Variants in NPEPL1 observed in about 807,000 individuals in gnomAD.
NPEPL1 encodes aminopeptidase like 1.
In NPEPL1, 45 loss-of-function variants were observed where a neutral mutation model predicts 52.4. The observed-to-expected ratio is 0.86, with a 90% confidence interval of 0.68 to 1.10. The LOEUF (loss-of-function observed/expected upper bound fraction) is 1.10. Ranked by LOEUF, NPEPL1 falls within the 50% of genes least tolerant of loss-of-function variation. The pLI is 0.00. For missense variants in NPEPL1, 696 were observed against 710.9 expected, an observed-to-expected ratio of 0.98 and a Z score of 0.24; for synonymous variants, 360 against 314.7, an observed-to-expected ratio of 1.14 and a Z score of -1.52.
chr20:58,714,234 G>A, intron 10 of NPEPL1, 141 bp downstream of exon 10: 1 of 892,262 alleles, frequency 1.1e-6, no homozygotes, highest in East Asian at 3.0e-5. Context: ...TTGAGAGGCA[G>A]GCGTCAGGGC....
intron 6 of NPEPL1, among the ~76,000 whole-genome samples, chr20:58,702,659 A>G (rs1199220445): frequency 6.6e-6 from 1 of 152,076 alleles, no homozygotes; most frequent in Non-Finnish European, 1.5e-5. Flanking sequence ...TTTCATTTAA[A>G]TTGATCTTCT....
At chr20:58,689,156 C>G (rs963742856), upstream of NPEPL1, 5 of 152,286 alleles carry the variant, frequency 3.3e-5, no homozygotes, top group African/African-American at 1.2e-4. Flanking sequence ...TTCAGGCCTG[C>G]CTGAGGCACT....
chr20:58,707,740 G>A (rs1193569337), intron 7 of NPEPL1, among the ~76,000 whole-genome samples: 1 of 152,006 alleles, frequency 6.6e-6, no homozygotes, highest in East Asian at 1.9e-4. Flanking sequence ...GTGACCTTGA[G>A]TGACCTTCCC....
At chr20:58,697,876 G>C (rs550262974) in intron 3 of NPEPL1, among the ~76,000 whole-genome samples, 1 of 152,226 alleles carries the variant, frequency 6.6e-6, no homozygotes, top group Non-Finnish European at 1.5e-5. Context: ...GTGCTTTGGT[G>C]CATGTGCCCC....
Position 58,705,634 on chromosome 20 carries a change from A to G in NPEPL1, c.823-1489A>G. ...AATCACTGCGAAAATGGTTTCTTCT[A>G]TAAAAACAGAAACAACATATGGGGG... On this transcript the variant is annotated intron_variant, in intron 6 of 11. Transcript: ENST00000356091. 3 of 438,902 alleles carry G rather than the reference A, an allele frequency of 6.8e-6. 1 individual carries two copies. The highest frequency in any genetic ancestry group is 4.7e-5 in the South Asian group (3 of 63,574). 27.2% of individuals were successfully genotyped at this position (438,902 alleles called of 1,614,324 possible). A position where few individuals can be genotyped will look rare whatever the true frequency, so the allele number is the denominator to read the frequency against.
rs1462960086 is a variant in NPEPL1, at chr20:58,693,826, C to T, written c.240C>T (p.Pro80=). 6.2e-7 allele frequency: 1 copy of T among 1,613,746 alleles called. No individual in the cohort carries two copies. Among genetic ancestry groups the T allele is most frequent in the Non-Finnish European group, 8.5e-7 (1 of 1,179,818 alleles). Residue 80 remains proline (P), a synonymous_variant, in exon 2 of 12, where the codon CCC becomes CCT. Transcript: ENST00000356091. ...YLNYATVAAL[P]CRVSRHNSPS... ...ACTACGCCACCGTGGCTGCCCTGCC[C>T]TGCAGGGTGAGCCGGCACAACAGCC...
rs546051344 is a variant in NPEPL1 at position 58,699,207 on chromosome 20, A to T, written c.608A>T (p.Lys203Ile). ...NTDTFLEEINKVGKELGIIPT... is the reference protein window; with the variant it reads ...NTDTFLEEINIVGKELGIIPT... ...CATGAACATGTCCAGGAGATTAACA[A>T]AGTTGGAAAGGAGCTGGGGATCATC... The change falls in exon 5 of 12, where the codon AAA (lysine) becomes ATA (isoleucine). Residue 203 changes from lysine to isoleucine, a missense_variant. Physicochemically the swap from Lys to Ile is moderately radical, Grantham distance 102. Transcript: ENST00000356091. 6.3e-7 allele frequency: 1 copy of T among 1,598,462 alleles called. No homozygotes were observed. The highest frequency in any genetic ancestry group is 2.3e-5 in the East Asian group (1 of 44,292).
upstream of NPEPL1, chr20:58,692,170 T>G: frequency 2.7e-6 from 1 of 366,694 alleles, no homozygotes; most frequent in Non-Finnish European, 5.0e-6. This position sits in a 1 kb window ranked among gnomAD's most constrained non-coding sequence, Gnocchi z 5.7. Flanking sequence ...TAACTGGCCA[T>G]CCCAGCAGCA....
chr20:58,700,725 A>G (rs992910764), intron 5 of NPEPL1, among the ~76,000 whole-genome samples: 1 of 152,226 alleles, frequency 6.6e-6, no homozygotes, highest in African/African-American at 2.4e-5. Context: ...TCATTCTGCA[A>G]TCCTGTTCTT....
intron 6 of NPEPL1, among the ~76,000 whole-genome samples, chr20:58,701,440 G>T (rs1160628307): frequency 6.7e-6 from 1 of 149,724 alleles, no homozygotes; most frequent in East Asian, 2.0e-4. Flanking sequence ...GTGGGGGGCG[G>T]CGAGGTTTCT....
Position 58,715,218 on chromosome 20 carries a change from C to G in NPEPL1, c.1464C>G (p.Gly488=), listed in dbSNP as rs758027436. 6.2e-7 allele frequency: 1 copy of G among 1,608,488 alleles called. No homozygotes were observed. Among genetic ancestry groups the G allele is most frequent in the South Asian group, 1.1e-5 (1 of 90,154 alleles). ...TGGCCCTCCTGCTGGCGCTCTTCGG[C>G]CGTGCCTCTGAGGACCCTCTGCTGA... ...FGVALLLALF[G]RASEDPLLNL... Residue 488 remains glycine, a synonymous_variant, in exon 12 of 12, where the codon GGC becomes GGG. Coordinates refer to ENST00000356091, the MANE Select transcript of NPEPL1 (RefSeq NM_024663.4).
chr20:58,698,404 T>C (rs899371787), intron 3 of NPEPL1, among the ~76,000 whole-genome samples: 2 of 151,946 alleles, frequency 1.3e-5, no homozygotes, highest in African/African-American at 4.8e-5. Flanking sequence ...AAGATCCAGA[T>C]ACAGAAGGGC....
chr20:58,707,845 A>G (rs2084767308), intron 7 of NPEPL1, among the ~76,000 whole-genome samples: 1 of 152,218 alleles, frequency 6.6e-6, no homozygotes, highest in South Asian at 2.1e-4. Flanking sequence ...TGGGAGGCGG[A>G]GGCAGGAGGA....
chr20:58,708,589 T>C (rs1468106089), intron 7 of NPEPL1, among the ~76,000 whole-genome samples: 1 of 151,964 alleles, frequency 6.6e-6, no homozygotes, highest in Non-Finnish European at 1.5e-5. Context: ...AGGAGGAGCA[T>C]GTGTCCTCTG....
Position 58,704,023 on chromosome 20 carries a change from G to A in NPEPL1, c.822+2865G>A, listed in dbSNP as rs532062569. 165 of 985,348 alleles carry A rather than the reference G, an allele frequency of 1.7e-4. 1 individual carries two copies. Among genetic ancestry groups the A allele is most frequent in the Admixed American group, 1.7e-3 (27 of 16,272 alleles). 61.0% of individuals were successfully genotyped at this position (985,348 alleles called of 1,614,324 possible). A position where few individuals can be genotyped will look rare whatever the true frequency, so the allele number is the denominator to read the frequency against. ...CATCTTCCCCGCTGCAGTTGGAACCGTTCTACGTGGATTTGGGATCAACCA... is the reference window on the plus strand; with the variant it reads ...CATCTTCCCCGCTGCAGTTGGAACCATTCTACGTGGATTTGGGATCAACCA... On this transcript the variant is annotated intron_variant, in intron 6 of 11. Transcript: ENST00000356091.
At position 58,694,494 on chromosome 20, in the gene NPEPL1, C is replaced by T. The variant is rs777053585; in HGVS notation, c.409C>T (p.Arg137Cys). The T allele has an allele frequency of 5.4e-5, 87 of 1,613,900 alleles. No homozygotes were observed. Among genetic ancestry groups the T allele is most frequent in the Admixed American group, 2.7e-4 (16 of 60,002 alleles). ...CCGGGCCTTCCCGCTGTTCACCCAC[C>T]GCTCAGGTGCCTCTCGGCGCTTGGA... The part of the protein sequence containing the change: ...LARAFPLFTH[R>C]SGASRRLEKK... Residue 137 changes from arginine to cysteine, a missense_variant, in exon 3 of 12, where the codon CGC becomes TGC. Physicochemically the swap from Arg to Cys is radical, Grantham distance 180. Transcript: ENST00000356091.
At chr20:58,700,550 C>T (rs992490071) in intron 5 of NPEPL1, among the ~76,000 whole-genome samples, 4 of 152,182 alleles carry the variant, frequency 2.6e-5, no homozygotes, top group Non-Finnish European at 5.9e-5. Context: ...ACGCACAGGC[C>T]ACAGCTTTCT....
rs1046923063 is a variant in NPEPL1 at position 58,713,457 on chromosome 20, C to T, written c.1039C>T (p.Leu347=). Residue 347 remains leucine (L), a synonymous_variant, in exon 9 of 12, where the codon CTG becomes TTG. Coordinates refer to ENST00000356091, the MANE Select transcript of NPEPL1 (RefSeq NM_024663.4). The surrounding 1 kb of genome is among the most constrained non-coding windows in gnomAD (Gnocchi z 4.6). ...EINNTDAEGR[L]VLADGVSYAC... The stretch of plus-strand genomic sequence containing the variant: ...CAACAACACGGATGCCGAGGGCAGG[C>T]TGGTGCTGGCAGATGGCGTGTCCTA... 11 of 1,610,732 alleles carry T rather than the reference C, an allele frequency of 6.8e-6. No homozygotes were observed. The Admixed American group carries it at 1.5e-4, about 22-fold the overall frequency.
intron 2 of NPEPL1, among the ~76,000 whole-genome samples, chr20:58,694,127 C>G (rs1359244603): frequency 6.6e-6 from 1 of 152,238 alleles, no homozygotes; most frequent in Non-Finnish European, 1.5e-5. Context: ...ATCAGAGACT[C>G]AAACCTAGAT....
Sources: gnomAD v4.1 joint callset for allele counts (sites outside exome capture counted in the v4.1 genomes callset) on GRCh38, gnomAD v4.1.1 for gene constraint, Gnocchi (gnomAD v3.1) non-coding constraint, MANE v1.5 for transcripts, NCBI Gene and HGNC (gene_info 2026-07-23, HGNC 2026-07-21) for gene names.